Variants in USP10 observed in about 807,000 individuals in gnomAD.
USP10 encodes the protein ubiquitin specific peptidase 10, also known as ubiquitin carboxyl-terminal hydrolase 10.
Under a neutral mutation model 84.5 loss-of-function variants are expected in USP10, and 22 were observed. The ratio of observed to expected loss-of-function variants is 0.26; its 90% confidence interval spans 0.19 to 0.37. The LOEUF (loss-of-function observed/expected upper bound fraction) is 0.37. Among genes scored for constraint, USP10 ranks in the 10% least tolerant of loss-of-function variants. The pLI is 1.00. For synonymous variants in USP10, 454 were observed against 387.6 expected, an observed-to-expected ratio of 1.17 and a Z score of -2.01; for missense variants, 1,019 against 998.9, an observed-to-expected ratio of 1.02 and a Z score of -0.27.
intron 1 of USP10, among the ~76,000 whole-genome samples, chr16:84,731,320 G>T (rs1346611171): frequency 4.6e-5 from 7 of 151,682 alleles, no homozygotes; most frequent in Non-Finnish European, 7.4e-5. Flanking sequence ...GCAGAGCAGG[G>T]CTACGCCATA....
intron 10 of USP10, among the ~76,000 whole-genome samples, chr16:84,766,282 C>G (rs879619403): frequency 6.6e-6 from 1 of 152,238 alleles, no homozygotes; most frequent in Non-Finnish European, 1.5e-5. Context: ...CTTCTGTGTT[C>G]TGCACTGTGA....
At chr16:84,766,668 A>G (rs1297537689) in intron 10 of USP10, among the ~76,000 whole-genome samples, 1 of 152,204 alleles carries the variant, frequency 6.6e-6, no homozygotes, top group Admixed American at 6.5e-5. Context: ...AAGAGTAACC[A>G]GTGGAAAATA....
chr16:84,735,196 G>GATGTGTGT lies in USP10; in HGVS notation c.90+1693_90+1694insATGTGTGT, dbSNP rs1555541026. On this transcript the variant is annotated intron_variant, in intron 2 of 13. Transcript: ENST00000219473. The stretch of plus-strand genomic sequence containing the variant: ...CAGGTGTGTGCTGCCAGGCCCGGGT[G>GATGTGTGT]GTGTGTGTGTGTGTGTGTGTGTGTG... Among the ~76,000 whole-genome samples the GATGTGTGT allele has an allele frequency of 8.8e-3, 1,292 of 146,360 alleles. 21 individuals are homozygous for GATGTGTGT. The highest frequency in any genetic ancestry group is 0.023 in the African/African-American group (901 of 39,382).
At chr16:84,761,517 G>C (rs1026628062) in intron 8 of USP10, among the ~76,000 whole-genome samples, 1 of 152,216 alleles carries the variant, frequency 6.6e-6, no homozygotes, top group Admixed American at 6.5e-5. Context: ...GAAACTTCCA[G>C]ACTCCTCTCC....
At chr16:84,770,565 G>C (rs1337125472) in intron 11 of USP10, among the ~76,000 whole-genome samples, 2 of 152,164 alleles carry the variant, frequency 1.3e-5, no homozygotes, top group Non-Finnish European at 2.9e-5. Flanking sequence ...GAGGTCAGGA[G>C]ATCGAGACCA....
intron 2 of USP10, 28 bp downstream of exon 2, chr16:84,733,531 C>G: frequency 6.7e-7 from 1 of 1,483,358 alleles, no homozygotes. Flanking sequence ...TTTAGTGAGT[C>G]CGTGGGTAGA....
At chr16:84,758,328 A>G (rs187281582) in intron 4 of USP10, among the ~76,000 whole-genome samples, 32 of 152,260 alleles carry the variant, frequency 2.1e-4, no homozygotes, top group African/African-American at 6.3e-4. Flanking sequence ...CTAGTGTCTG[A>G]GGCGCCTTGC....
In USP10 at chr16:84,709,683, A is replaced by T. The variant is rs146972440; in HGVS notation, c.21+9572A>T. Among the ~76,000 whole-genome samples, 111 of 152,220 alleles carry T rather than the reference A, an allele frequency of 7.3e-4. No homozygotes were observed. In the East Asian group the frequency reaches 0.02, roughly 28 times the overall value. ...CAGGAGTTAGGTATAAGGTGTTTCA[A>T]AAAAGGAGGAGAGTGGGACTGAATG... On this transcript the variant is annotated intron_variant, in intron 1 of 13. Coordinates refer to ENST00000219473, the MANE Select transcript of USP10 (RefSeq NM_005153.3).
At chr16:84,736,881 C>T (rs2161692) in intron 2 of USP10, among the ~76,000 whole-genome samples, 27,006 of 152,176 alleles carry the variant, frequency 0.18, 2,635 homozygotes, top group Middle Eastern at 0.32. Context: ...CTCCGCCTCC[C>T]GGGTTCACAC....
chr16:84,734,549 C>CT (rs1379363982), intron 2 of USP10, among the ~76,000 whole-genome samples: 1 of 152,192 alleles, frequency 6.6e-6, no homozygotes, highest in Admixed American at 6.5e-5. Context: ...AGCATGAGGG[C>CT]TTTAAGCTTC....
At chr16:84,766,683 C>T (rs926644856) in intron 10 of USP10, among the ~76,000 whole-genome samples, 2 of 152,148 alleles carry the variant, frequency 1.3e-5, no homozygotes, top group African/African-American at 4.8e-5. Context: ...AAAATACCAG[C>T]GTCCATTTGG....
chr16:84,762,849 T>A (rs554521841), intron 8 of USP10, 140 bp from the exon 9 acceptor site: 4 of 520,692 alleles, frequency 7.7e-6, no homozygotes, highest in Admixed American at 3.3e-5. Context: ...GGGAAACCCA[T>A]GTCATCATGT....
intron 1 of USP10, chr16:84,704,784 A>G: frequency 6.5e-7 from 1 of 1,535,554 alleles, no homozygotes; most frequent in Non-Finnish European, 8.7e-7. Flanking sequence ...TTGAGAACCC[A>G]GAAGCTCTAC....
intron 12 of USP10, 139 bp downstream of exon 12, chr16:84,772,824 C>G (rs1253670209): frequency 8.4e-7 from 1 of 1,189,444 alleles, no homozygotes; most frequent in South Asian, 1.6e-5. Context: ...AGTTTCTTGA[C>G]TTGTAATAGA....
At chr16:84,757,560 GC>G (rs1375868566) in intron 4 of USP10, among the ~76,000 whole-genome samples, 3 of 152,032 alleles carry the variant, frequency 2.0e-5, no homozygotes, top group African/African-American at 7.2e-5. Flanking sequence ...TTAGATGGAT[GC>G]TACTATCAAA....
At chr16:84,760,362 C>T in intron 8 of USP10, 87 bp downstream of exon 8, 6 of 1,189,272 alleles carry the variant, frequency 5.0e-6, no homozygotes, top group South Asian at 1.4e-5. Flanking sequence ...TGATATTTGC[C>T]CTCTGTCTCC....
chr16:84,711,365 C>G (rs142041596), intron 1 of USP10, among the ~76,000 whole-genome samples: 1 of 152,218 alleles, frequency 6.6e-6, no homozygotes, highest in African/African-American at 2.4e-5. Context: ...GATCAGCACA[C>G]TCCCCCACAG....
At chr16:84,766,425 A>G (rs941406166) in intron 10 of USP10, among the ~76,000 whole-genome samples, 1 of 152,208 alleles carries the variant, frequency 6.6e-6, no homozygotes, top group Admixed American at 6.5e-5. Flanking sequence ...TCGTGTTGGG[A>G]GGGAGACGCT....
At chr16:84,730,893 A>G (rs1267636313) in intron 1 of USP10, among the ~76,000 whole-genome samples, 1 of 151,714 alleles carries the variant, frequency 6.6e-6, no homozygotes, top group Non-Finnish European at 1.5e-5. Context: ...ATCCTTAGGT[A>G]TCTTCCCCAC....
Sources: allele counts gnomAD v4.1 joint callset (sites outside exome capture counted in the v4.1 genomes callset), GRCh38; gene constraint gnomAD v4.1.1; transcripts MANE v1.5; gene names NCBI Gene and HGNC (gene_info 2026-07-23, HGNC 2026-07-21).